BCAS3: variants seen among roughly 807,000 people sequenced by gnomAD.
BCAS3 encodes the protein BCAS4/BCAS3 fusion.
In BCAS3, 53 loss-of-function variants were observed where a neutral mutation model predicts 116.1. That is an observed-to-expected ratio of 0.46 (90% CI 0.37 to 0.57). The LOEUF (loss-of-function observed/expected upper bound fraction) is 0.57. BCAS3 is among the 20% of genes least tolerant of loss of function. The pLI is 0.00. For synonymous variants in BCAS3, 391 were observed against 408.2 expected (o/e 0.96, Z 0.51); for missense variants, 917 against 1,165.4 (o/e 0.79, Z 3.10).
Position 60,802,959 on chromosome 17 carries a change from GTTGT to G in BCAS3, c.404-5035_404-5032del, listed in dbSNP as rs566797261. Reference sequence around the variant, plus strand: ...CTTTATTGTGAGGTGCTTTGGTTGTGTTGTTTGTTTGTTGGAACCCTCTGATGGA... The same window carrying G: ...CTTTATTGTGAGGTGCTTTGGTTGTGTTGTTTGTTGGAACCCTCTGATGGA... On this transcript the variant is annotated intron_variant, in intron 6 of 23. Coordinates refer to ENST00000407086, the MANE Select transcript of BCAS3 (RefSeq NM_017679.5). 2.3e-3 allele frequency among the ~76,000 whole-genome samples: 352 copies of G among 152,202 alleles called. 3 individuals carry two copies. Among genetic ancestry groups the G allele is most frequent in the African/African-American group, 8.2e-3 (339 of 41,530 alleles).
intron 9 of BCAS3, among the ~76,000 whole-genome samples, chr17:60,878,690 C>A (rs1458527195): frequency 6.6e-6 from 1 of 152,030 alleles, no homozygotes; most frequent in Non-Finnish European, 1.5e-5. Flanking sequence ...TTTCATATTT[C>A]TGTGAGGAAG....
chr17:61,275,920 G>A (rs2050724718), intron 22 of BCAS3, among the ~76,000 whole-genome samples: 1 of 152,240 alleles, frequency 6.6e-6, no homozygotes, highest in Non-Finnish European at 1.5e-5. Flanking sequence ...TATCTGAATC[G>A]TAGTTCCAGA....
Position 60,926,785 on chromosome 17 carries a change from A to G in BCAS3, c.1087+2285A>G, listed in dbSNP as rs556501527. On this transcript the variant is annotated intron_variant, in intron 13 of 23. Transcript: ENST00000407086. Reference sequence around the variant, plus strand: ...TTTCCTGTGACTTTGCATTATAAGAAGAACATATTATATAATATAAAGAGT... The same window carrying G: ...TTTCCTGTGACTTTGCATTATAAGAGGAACATATTATATAATATAAAGAGT... Among the ~76,000 whole-genome samples the G allele has an allele frequency of 3.9e-5, 6 of 152,320 alleles. No homozygotes were observed. The South Asian group carries it at 1.2e-3, about 32-fold the overall frequency.
chr17:60,991,572 A>G (rs1300025397), intron 15 of BCAS3, among the ~76,000 whole-genome samples: 1 of 152,200 alleles, frequency 6.6e-6, no homozygotes, highest in Non-Finnish European at 1.5e-5. Context: ...GGTTTTCAAG[A>G]TTGGGGAATC....
intron 12 of BCAS3, among the ~76,000 whole-genome samples, chr17:60,916,720 C>T (rs2058797112): frequency 6.6e-6 from 1 of 151,902 alleles, no homozygotes; most frequent in Admixed American, 6.6e-5. Context: ...TTATAAAAAT[C>T]AAAATTTATG....
intron 7 of BCAS3, among the ~76,000 whole-genome samples, chr17:60,860,693 C>A (rs999865423): frequency 1.3e-5 from 2 of 152,200 alleles, no homozygotes; most frequent in Non-Finnish European, 2.9e-5. Context: ...AGCCCAGTTT[C>A]AATCTCCTGC....
intron 22 of BCAS3, among the ~76,000 whole-genome samples, chr17:61,299,063 TC>T (rs148778055): frequency 0.15 from 22,222 of 151,524 alleles, 2,205 homozygotes; most frequent in East Asian, 0.32. Context: ...CTTTAGGTGA[TC>T]CTCCCACCTC....
chr17:60,842,372 T>C (rs1420638189), intron 7 of BCAS3, among the ~76,000 whole-genome samples: 2 of 152,110 alleles, frequency 1.3e-5, no homozygotes, highest in Non-Finnish European at 2.9e-5. Context: ...TCATTAAAAA[T>C]CTAAGGTTAC....
intron 22 of BCAS3, among the ~76,000 whole-genome samples, chr17:61,212,173 C>G (rs1189752783): frequency 2.0e-5 from 3 of 152,176 alleles, no homozygotes; most frequent in Non-Finnish European, 2.9e-5. Context: ...AAAAAGCATA[C>G]CTATGAAAAG....
At chr17:61,061,532 A>G (rs535480462) in intron 19 of BCAS3, among the ~76,000 whole-genome samples, 1 of 152,344 alleles carries the variant, frequency 6.6e-6, no homozygotes, top group Admixed American at 6.5e-5. Context: ...CCTATTGCCT[A>G]CATGTACAGA....
chr17:60,814,426 C>T (rs1026476205), intron 7 of BCAS3, among the ~76,000 whole-genome samples: 1 of 151,850 alleles, frequency 6.6e-6, no homozygotes, highest in Non-Finnish European at 1.5e-5. Context: ...CTGAAACTTA[C>T]TGAAATTTTT....
intron 6 of BCAS3, among the ~76,000 whole-genome samples, chr17:60,751,417 A>AT (rs1356378217): frequency 6.6e-6 from 1 of 152,118 alleles, no homozygotes; most frequent in Non-Finnish European, 1.5e-5. Context: ...TTAAGTAGCC[A>AT]TTTTGGCTTT....
Position 61,128,718 on chromosome 17 carries a change from A to C in BCAS3, c.2425+44154A>C. 12 of 616,256 alleles carry C rather than the reference A, an allele frequency of 1.9e-5. No homozygotes were observed. The highest frequency in any genetic ancestry group is 2.4e-5 in the Non-Finnish European group (12 of 493,058). The allele number at this position is 616,256 out of a possible 1,614,324, so 38.2% of individuals were successfully genotyped here. On this transcript the variant is annotated intron_variant, in intron 22 of 23. Coordinates refer to ENST00000407086, the MANE Select transcript of BCAS3 (RefSeq NM_017679.5). The surrounding 1 kb of genome is among the most constrained non-coding windows in gnomAD (Gnocchi z 4.1). Reference sequence around the variant, plus strand: ...CCAGCATATTGGCAGTCGTCTCACAACATGATTTTGCATTTACATCATCGT... The same window carrying C: ...CCAGCATATTGGCAGTCGTCTCACACCATGATTTTGCATTTACATCATCGT...
Position 61,051,353 on chromosome 17 carries a change from A to C in BCAS3, c.2029+10461A>C, listed in dbSNP as rs183145598. Among the ~76,000 whole-genome samples the C allele has an allele frequency of 8.1e-4, 122 of 150,092 alleles. 2 individuals carry two copies. The highest frequency in any genetic ancestry group is 2.8e-3 in the African/African-American group (114 of 41,402). ...TTACAAGGTTGATCTTTGTGGTGAT[A>C]GGACAGTTCTGTATCTTGATTGTAG... On this transcript the variant is annotated intron_variant, in intron 19 of 23. Coordinates refer to ENST00000407086, the MANE Select transcript of BCAS3 (RefSeq NM_017679.5). The surrounding 1 kb of genome is among the most constrained non-coding windows in gnomAD (Gnocchi z 4.1).
chr17:60,892,570 G>C (rs1270354665), intron 10 of BCAS3, among the ~76,000 whole-genome samples: 1 of 151,850 alleles, frequency 6.6e-6, no homozygotes, highest in Non-Finnish European at 1.5e-5. Context: ...CGGCCTCCCA[G>C]AGTGCTGGGA....
chr17:61,291,889 T>G (rs923092346), intron 22 of BCAS3, among the ~76,000 whole-genome samples: 3 of 152,018 alleles, frequency 2.0e-5, no homozygotes, highest in Admixed American at 6.6e-5. Flanking sequence ...TACACAGGGG[T>G]CCACTGTGAT....
chr17:60,942,654 CT>C (rs2060285645), intron 13 of BCAS3, among the ~76,000 whole-genome samples: 1 of 151,978 alleles, frequency 6.6e-6, no homozygotes. Context: ...ACAGTGGCAT[CT>C]AGTAGGATAT....
chr17:60,857,081 C>T (rs1260566592), intron 7 of BCAS3, among the ~76,000 whole-genome samples: 1 of 152,116 alleles, frequency 6.6e-6, no homozygotes, highest in African/African-American at 2.4e-5. Flanking sequence ...CTCAGTAATT[C>T]ACTATAAAAC....
intron 19 of BCAS3, among the ~76,000 whole-genome samples, chr17:61,042,382 G>C (rs2067583072): frequency 6.6e-6 from 1 of 151,840 alleles, no homozygotes; most frequent in Admixed American, 6.6e-5. Flanking sequence ...AAAAGATATA[G>C]CTATATCTAT....
Sources: allele counts gnomAD v4.1 joint callset (sites outside exome capture counted in the v4.1 genomes callset), GRCh38; gene constraint gnomAD v4.1.1; non-coding constraint Gnocchi (gnomAD v3.1); transcripts MANE v1.5; gene names NCBI Gene and HGNC (gene_info 2026-07-23, HGNC 2026-07-21).